Variants in NTNG1 observed in about 807,000 individuals in gnomAD.
NTNG1 encodes the protein netrin-G1.
A neutral mutation model predicts 54.0 loss-of-function variants in NTNG1; 16 were observed. The ratio of observed to expected loss-of-function variants is 0.30; its 90% confidence interval spans 0.20 to 0.45. The LOEUF is 0.45. NTNG1 is among the 20% of genes least tolerant of loss of function. NTNG1 has a pLI of 1.00. For synonymous variants in NTNG1, 255 were observed against 263.1 expected (o/e 0.97, Z 0.30); for missense variants, 530 against 678.7 (o/e 0.78, Z 2.43).
intron 7 of NTNG1, among the ~76,000 whole-genome samples, chr1:107,453,484 G>C (rs1188966811): frequency 6.6e-6 from 1 of 152,188 alleles, no homozygotes; most frequent in Non-Finnish European, 1.5e-5. Flanking sequence ...CCAGCTACAA[G>C]AGTGTGCATT....
At chr1:107,195,461 G>A (rs757513770) in intron 2 of NTNG1, among the ~76,000 whole-genome samples, 6 of 151,904 alleles carry the variant, frequency 3.9e-5, no homozygotes, top group Non-Finnish European at 7.4e-5. Context: ...TAAAAAGTGA[G>A]TCAGTTACAC....
At chr1:107,448,664 C>T (rs182507082) in intron 7 of NTNG1, among the ~76,000 whole-genome samples, 3 of 152,142 alleles carry the variant, frequency 2.0e-5, no homozygotes, top group African/African-American at 7.2e-5. Flanking sequence ...CTTTTTATCA[C>T]TTTGTGTTTA....
chr1:107,154,193 A>C (rs1654795291), intron 2 of NTNG1, among the ~76,000 whole-genome samples: 1 of 152,150 alleles, frequency 6.6e-6, no homozygotes. Flanking sequence ...AGCACTCAGA[A>C]TTTAAAGGTG....
intron 2 of NTNG1, among the ~76,000 whole-genome samples, chr1:107,160,859 A>T (rs1655348831): frequency 6.6e-6 from 1 of 152,082 alleles, no homozygotes; most frequent in African/African-American, 2.4e-5. Flanking sequence ...TCAGGTCTCC[A>T]CTTAAAAAAC....
intron 2 of NTNG1, among the ~76,000 whole-genome samples, chr1:107,228,655 G>A (rs116200962): frequency 1.2e-3 from 186 of 152,246 alleles, no homozygotes; most frequent in African/African-American, 4.4e-3. Flanking sequence ...TGCAGGTCCT[G>A]TTATTATTCC....
At chr1:107,213,447 G>A (rs1018686866) in intron 2 of NTNG1, among the ~76,000 whole-genome samples, 7 of 152,148 alleles carry the variant, frequency 4.6e-5, no homozygotes, top group Non-Finnish European at 7.4e-5. Context: ...TGGAGCATGC[G>A]TGGAAGGCTG....
Position 107,285,924 on chromosome 1 carries a change from G to A in NTNG1, c.247-38358G>A, listed in dbSNP as rs536594172. ...TGATGTGTGACACTCGCTCCTCACC[G>A]CTATCTCTTGGAATTAGCAATAGAA... On this transcript the variant is annotated intron_variant, in intron 2 of 7. Coordinates refer to ENST00000370068, the MANE Select transcript of NTNG1 (RefSeq NM_001113226.3). 4.6e-5 allele frequency among the ~76,000 whole-genome samples: 7 copies of A among 152,078 alleles called. No homozygotes were observed. The East Asian group carries it at 7.7e-4, about 17-fold the overall frequency.
chr1:107,181,110 A>G (rs552829649), intron 2 of NTNG1, among the ~76,000 whole-genome samples: 202 of 152,294 alleles, frequency 1.3e-3, no homozygotes, highest in Non-Finnish European at 2.2e-3. Context: ...ACACTTGCAC[A>G]AGATTAGCTG....
intron 3 of NTNG1, among the ~76,000 whole-genome samples, chr1:107,390,889 T>C (rs1293335473): frequency 6.6e-6 from 1 of 152,194 alleles, no homozygotes; most frequent in Non-Finnish European, 1.5e-5. Flanking sequence ...CTACAGTCTA[T>C]AGCAAAGATG....
At chr1:107,360,298 T>C (rs1670185962) in intron 3 of NTNG1, among the ~76,000 whole-genome samples, 1 of 152,078 alleles carries the variant, frequency 6.6e-6, no homozygotes, top group South Asian at 2.1e-4. Context: ...ACAGCCACTT[T>C]AGGAAGAGGT....
chr1:107,174,101 A>G (rs916495622), intron 2 of NTNG1, among the ~76,000 whole-genome samples: 66 of 152,292 alleles, frequency 4.3e-4, no homozygotes, highest in African/African-American at 1.4e-3. Context: ...CCTTAATCGA[A>G]TCACTAAATT....
intron 2 of NTNG1, among the ~76,000 whole-genome samples, chr1:107,302,834 A>G (rs1666408954): frequency 6.6e-6 from 1 of 152,152 alleles, no homozygotes; most frequent in Non-Finnish European, 1.5e-5. Flanking sequence ...TTTCTAAGCT[A>G]GCTTGGTATT....
chr1:107,430,191 C>G (rs1398282564), intron 5 of NTNG1, among the ~76,000 whole-genome samples: 3 of 152,004 alleles, frequency 2.0e-5, no homozygotes, highest in African/African-American at 7.2e-5. Flanking sequence ...TGGGGAAAAA[C>G]AAAAATAAAG....
chr1:107,346,814 A>T (rs1272805296), intron 3 of NTNG1, among the ~76,000 whole-genome samples: 1 of 150,752 alleles, frequency 6.6e-6, no homozygotes, highest in African/African-American at 2.4e-5. Flanking sequence ...GAATGTGAAC[A>T]TAGTAGGAAT....
chr1:107,450,902 A>G (rs927864510), intron 7 of NTNG1, among the ~76,000 whole-genome samples: 1 of 152,098 alleles, frequency 6.6e-6, no homozygotes, highest in African/African-American at 2.4e-5. Flanking sequence ...TAAACAGACC[A>G]AAAACTAAGT....
intron 2 of NTNG1, among the ~76,000 whole-genome samples, chr1:107,322,510 A>T (rs1667714473): frequency 6.6e-6 from 1 of 152,122 alleles, no homozygotes; most frequent in Admixed American, 6.6e-5. Flanking sequence ...GAATTTATAA[A>T]TCCTGACAGA....
intron 2 of NTNG1, among the ~76,000 whole-genome samples, chr1:107,237,646 G>T (rs1478508768): frequency 6.6e-6 from 1 of 152,126 alleles, no homozygotes; most frequent in African/African-American, 2.4e-5. Context: ...TAGGGACTTG[G>T]TGCCCTGTGT....
At chr1:107,285,989 A>G (rs1665172137) in intron 2 of NTNG1, among the ~76,000 whole-genome samples, 1 of 152,172 alleles carries the variant, frequency 6.6e-6, no homozygotes, top group Non-Finnish European at 1.5e-5. Flanking sequence ...TCTTTCTAAA[A>G]GAAGGAAACA....
chr1:107,157,074 C>G (rs1655056334), intron 2 of NTNG1, among the ~76,000 whole-genome samples: 1 of 152,140 alleles, frequency 6.6e-6, no homozygotes, highest in African/African-American at 2.4e-5. Context: ...CTTACACTTT[C>G]TATGTGTTAT....
Sources: allele counts gnomAD v4.1 joint callset (sites outside exome capture counted in the v4.1 genomes callset), GRCh38; gene constraint gnomAD v4.1.1; transcripts MANE v1.5; gene names NCBI Gene and HGNC (gene_info 2026-07-23, HGNC 2026-07-21).